Variants in THSD4 observed in about 807,000 individuals in gnomAD.
THSD4 encodes thrombospondin type-1 domain-containing protein 4.
In THSD4, 69 loss-of-function variants were observed where a neutral mutation model predicts 119.0. The ratio of observed to expected loss-of-function variants is 0.58; its 90% CI spans 0.48 to 0.71. The LOEUF is 0.71. Among genes scored for constraint, THSD4 ranks in the 30% least tolerant of loss-of-function variants. The pLI is 0.00. For synonymous variants in THSD4, 524 were observed against 540.4 expected, an observed-to-expected ratio of 0.97 and a Z score of 0.42; for missense variants, 1,393 against 1,391.1, an observed-to-expected ratio of 1.00 and a Z score of -0.02.
intron 17 of THSD4, among the ~76,000 whole-genome samples, chr15:71,774,466 A>G (rs1292787552): frequency 6.6e-6 from 1 of 152,198 alleles, no homozygotes; most frequent in Non-Finnish European, 1.5e-5. Context: ...TGGCAACCGC[A>G]TGGGGGATAG....
intron 1 of THSD4, among the ~76,000 whole-genome samples, chr15:71,099,978 T>G (rs1173973548): frequency 6.6e-6 from 1 of 152,176 alleles, no homozygotes; most frequent in African/African-American, 2.4e-5. Flanking sequence ...TGAATTGAGA[T>G]ACTGTCTCAA....
chr15:71,463,465 C>T (rs1426905773), intron 7 of THSD4, among the ~76,000 whole-genome samples: 2 of 152,154 alleles, frequency 1.3e-5, no homozygotes, highest in Admixed American at 6.5e-5. Flanking sequence ...CCTTCTTGTC[C>T]ACAAGAATTT....
At chr15:71,098,388 G>A (rs1246428259) in intron 1 of THSD4, among the ~76,000 whole-genome samples, 1 of 151,298 alleles carries the variant, frequency 6.6e-6, no homozygotes, top group African/African-American at 2.4e-5. Flanking sequence ...TGTAGAGATG[G>A]GATTTTGTAA....
intron 6 of THSD4, among the ~76,000 whole-genome samples, chr15:71,317,350 G>A (rs1392195121): frequency 2.6e-5 from 4 of 152,186 alleles, no homozygotes; most frequent in Non-Finnish European, 4.4e-5. Context: ...AAGAAAAAGA[G>A]GTTTAATGGA....
chr15:71,291,644 A>G (rs554520125), intron 6 of THSD4, among the ~76,000 whole-genome samples: 2 of 152,158 alleles, frequency 1.3e-5, no homozygotes, highest in East Asian at 1.9e-4. Context: ...ACTGATTCCA[A>G]TGTTAATCTT....
intron 7 of THSD4, among the ~76,000 whole-genome samples, chr15:71,507,844 C>A (rs372056345): frequency 6.6e-6 from 1 of 152,156 alleles, no homozygotes; most frequent in Non-Finnish European, 1.5e-5. Context: ...TAGAGACAAA[C>A]CCCATGAAGC....
chr15:71,713,787 T>C (rs2052557704), intron 8 of THSD4, among the ~76,000 whole-genome samples: 2 of 152,200 alleles, frequency 1.3e-5, no homozygotes, highest in African/African-American at 4.8e-5. Context: ...AGATTAGAAA[T>C]GATTAAGATA....
chr15:71,131,180 G>C lies in THSD4; in HGVS notation c.-79-10269G>C, dbSNP rs555188435. On this transcript the variant is annotated intron_variant, in intron 1 of 17. Coordinates refer to ENST00000261862, the MANE Select transcript of THSD4 (RefSeq NM_024817.3). ...ATGATGACAAAATAATGACATTGGGGAGTTAGATTAGAATTGCCCAGTTTT... is the reference window on the plus strand; with the variant it reads ...ATGATGACAAAATAATGACATTGGGCAGTTAGATTAGAATTGCCCAGTTTT... Among the ~76,000 whole-genome samples, 32 of 152,276 alleles carry C rather than the reference G, an allele frequency of 2.1e-4. No individual in the cohort carries two copies. The East Asian group carries it at 5.8e-3, about 28-fold the overall frequency.
chr15:71,449,539 G>T (rs1051168620), intron 7 of THSD4, among the ~76,000 whole-genome samples: 1 of 152,126 alleles, frequency 6.6e-6, no homozygotes, highest in Admixed American at 6.5e-5. Flanking sequence ...ATAATTCTGT[G>T]TAGTACTTAC....
intron 8 of THSD4, among the ~76,000 whole-genome samples, chr15:71,669,850 A>C (rs996264652): frequency 6.6e-6 from 1 of 152,204 alleles, no homozygotes. Context: ...GATACAAATC[A>C]TCCTCTCTTA....
chr15:71,527,882 T>G (rs1052639781), intron 7 of THSD4, among the ~76,000 whole-genome samples: 1 of 151,920 alleles, frequency 6.6e-6, no homozygotes, highest in Non-Finnish European at 1.5e-5. Flanking sequence ...TCAGCTAATC[T>G]TTGTATTTTT....
chr15:71,248,100 T>G (rs540039474), intron 5 of THSD4, among the ~76,000 whole-genome samples: 1 of 152,290 alleles, frequency 6.6e-6, no homozygotes, highest in Non-Finnish European at 1.5e-5. Context: ...GGGAACATAG[T>G]GAGACCTTGT....
At chr15:71,570,400 A>G (rs11072301) in intron 7 of THSD4, among the ~76,000 whole-genome samples, 88,881 of 149,778 alleles carry the variant, frequency 0.59, 27,254 homozygotes, top group Non-Finnish European at 0.7. Context: ...TTACTCAGAT[A>G]TACTTTTTTT....
At chr15:71,464,561 C>T (rs2047474021) in intron 7 of THSD4, among the ~76,000 whole-genome samples, 1 of 152,282 alleles carries the variant, frequency 6.6e-6, no homozygotes, top group South Asian at 2.1e-4. Flanking sequence ...GGAGCATACC[C>T]AATTTTCTTG....
At chr15:71,375,975 T>C (rs2046130946) in intron 6 of THSD4, among the ~76,000 whole-genome samples, 1 of 152,216 alleles carries the variant, frequency 6.6e-6, no homozygotes, top group South Asian at 2.1e-4. Context: ...CTGAGACCAA[T>C]GTACTGTCAC....
intron 7 of THSD4, among the ~76,000 whole-genome samples, chr15:71,465,235 C>T (rs910927995): frequency 1.3e-5 from 2 of 152,188 alleles, no homozygotes; most frequent in African/African-American, 4.8e-5. Context: ...GAAACAAGGT[C>T]TCCCACAGGA....
At chr15:71,157,772 T>TGG (rs2040794292) in intron 3 of THSD4, among the ~76,000 whole-genome samples, 1 of 144,760 alleles carries the variant, frequency 6.9e-6, no homozygotes, top group Non-Finnish European at 1.5e-5. Flanking sequence ...TTAAACATAA[T>TGG]AACCTCCAGG....
chr15:71,433,756 G>T (rs1817512944), intron 7 of THSD4, among the ~76,000 whole-genome samples: 1 of 152,084 alleles, frequency 6.6e-6, no homozygotes, highest in Admixed American at 6.5e-5. Flanking sequence ...ACAGAGTTGG[G>T]CCAGGAATGA....
intron 12 of THSD4, 120 bp from the exon 13 acceptor site, chr15:71,746,718 C>T (rs1487866457): frequency 9.1e-7 from 1 of 1,103,834 alleles, no homozygotes; most frequent in Non-Finnish European, 1.3e-6. Flanking sequence ...AAGCAATGCT[C>T]TAGTAAGAAA....
Sources: allele counts gnomAD v4.1 joint callset (sites outside exome capture counted in the v4.1 genomes callset), GRCh38; gene constraint gnomAD v4.1.1; transcripts MANE v1.5; gene names NCBI Gene and HGNC (gene_info 2026-07-23, HGNC 2026-07-21).